CATSPERE: variants seen among roughly 807,000 people sequenced by gnomAD.
CATSPERE encodes the protein cation channel sperm-associated auxiliary subunit epsilon.
A neutral mutation model predicts 114.1 loss-of-function variants in CATSPERE; 93 were observed. That is an observed-to-expected ratio of 0.81 (90% confidence interval 0.69 to 0.97). The LOEUF is 0.97. Among genes scored for constraint, CATSPERE ranks in the 50% least tolerant of loss-of-function variants. CATSPERE has a pLI of 0.00. For synonymous variants in CATSPERE, 341 were observed against 384.1 expected (o/e 0.89, Z 1.31); for missense variants, 1,058 against 1,131.6 (o/e 0.93, Z 0.93).
At chr1:244,605,981 G>A (rs532449823) in intron 18 of CATSPERE, among the ~76,000 whole-genome samples, 187 bp downstream of exon 18, 52 of 152,192 alleles carry the variant, frequency 3.4e-4, no homozygotes, top group South Asian at 8.3e-4. Flanking sequence ...TGTCACATAA[G>A]ACAGACATAA....
chr1:244,461,418 G>A lies in CATSPERE; in HGVS notation c.-12G>A. 7.3e-7 allele frequency: 1 copy of A among 1,361,890 alleles called. No homozygotes were observed. Among genetic ancestry groups the A allele is most frequent in the Non-Finnish European group, 9.5e-7 (1 of 1,047,340 alleles). 84.4% of individuals were successfully genotyped at this position (1,361,890 alleles called of 1,614,324 possible). A position where few individuals can be genotyped will look rare whatever the true frequency, so the allele number is the denominator to read the frequency against. The stretch of plus-strand genomic sequence containing the variant: ...GTGGCCGAGGCGGTTGGGCGGAGGC[G>A]GAGCAGGCGCCATGTCAGCCCGGGA... On this transcript the variant is annotated 5_prime_UTR_variant, in exon 1 of 22. Transcript: ENST00000366534.
chr1:244,527,437 A>T lies in CATSPERE; in HGVS notation c.536+8739A>T, dbSNP rs189414090. Reference sequence around the variant, plus strand: ...TCAGCGGCAGTCAGAGTTTAAGGTTATCTCTCTTGTTCCCTGAACATTGCT... The same window carrying T: ...TCAGCGGCAGTCAGAGTTTAAGGTTTTCTCTCTTGTTCCCTGAACATTGCT... On this transcript the variant is annotated intron_variant, in intron 8 of 21. Transcript: ENST00000366534. Among the ~76,000 whole-genome samples the T allele has an allele frequency of 4.6e-5, 7 of 152,324 alleles. No homozygotes were observed. The East Asian group carries it at 1.4e-3, about 29-fold the overall frequency.
At chr1:244,612,596 T>C (rs1286095607) in intron 19 of CATSPERE, among the ~76,000 whole-genome samples, 1 of 152,222 alleles carries the variant, frequency 6.6e-6, no homozygotes, top group African/African-American at 2.4e-5. Flanking sequence ...TCGATGTGGC[T>C]GAAAATACTA....
At chr1:244,540,815 T>A (rs1658550627) in intron 8 of CATSPERE, among the ~76,000 whole-genome samples, 1 of 91,864 alleles carries the variant, frequency 1.1e-5, no homozygotes, top group African/African-American at 3.4e-5. Context: ...GAGATATAGA[T>A]CAATGGAACA....
At chr1:244,495,715 A>G (rs1672977727) in intron 6 of CATSPERE, among the ~76,000 whole-genome samples, 1 of 152,164 alleles carries the variant, frequency 6.6e-6, no homozygotes, top group Non-Finnish European at 1.5e-5. Context: ...GCGAGACTCC[A>G]TCTTAAAAAA....
At chr1:244,453,495 G>T (rs190843663), upstream of CATSPERE, among the ~76,000 whole-genome samples, 1 of 152,178 alleles carries the variant, frequency 6.6e-6, no homozygotes, top group African/African-American at 2.4e-5. Flanking sequence ...CCCCTTGGGC[G>T]GTTACAAATT....
At chr1:244,551,457 G>A (rs1006888593) in intron 8 of CATSPERE, among the ~76,000 whole-genome samples, 103 of 152,318 alleles carry the variant, frequency 6.8e-4, no homozygotes, top group African/African-American at 2.3e-3. Context: ...TGTATGTAGA[G>A]AGAAGAAAAC....
intron 8 of CATSPERE, among the ~76,000 whole-genome samples, chr1:244,521,764 G>C (rs369361343): frequency 1.3e-5 from 2 of 152,204 alleles, no homozygotes; most frequent in Admixed American, 6.5e-5. Context: ...GTAAACATTT[G>C]ATAAATTCAG....
chr1:244,632,316 C>A (rs756098807), intron 20 of CATSPERE, among the ~76,000 whole-genome samples: 127 of 148,348 alleles, frequency 8.6e-4, no homozygotes, highest in Non-Finnish European at 1.4e-3. Flanking sequence ...ATCACTTGAA[C>A]CTGGGAGGCG....
chr1:244,497,551 C>T (rs1207686931), intron 6 of CATSPERE, among the ~76,000 whole-genome samples: 1 of 152,180 alleles, frequency 6.6e-6, no homozygotes, highest in East Asian at 1.9e-4. Context: ...AATCCCAGCA[C>T]TTTGGGAGGC....
upstream of CATSPERE, among the ~76,000 whole-genome samples, chr1:244,459,813 G>T (rs1666499012): frequency 6.6e-6 from 1 of 152,210 alleles, no homozygotes; most frequent in Admixed American, 6.5e-5. Context: ...CTATAGATGA[G>T]AGTACTAATG....
At chr1:244,451,926 G>GCCGGCC (rs1444102861), upstream of CATSPERE, 25 of 1,174,398 alleles carry the variant, frequency 2.1e-5, no homozygotes, top group Middle Eastern at 6.0e-4. The surrounding 1 kb of genome is among the most constrained non-coding windows in gnomAD (Gnocchi z 6.6). Context: ...GGAGCCAGAG[G>GCCGGCC]CCGGCCCCGC....
intron 20 of CATSPERE, among the ~76,000 whole-genome samples, chr1:244,622,276 A>C (rs1672490443): frequency 6.6e-6 from 1 of 152,134 alleles, no homozygotes. Flanking sequence ...TAGTATCTAT[A>C]TGTGGTCCTG....
intron 12 of CATSPERE, 48 bp downstream of exon 12, chr1:244,581,902 C>A (rs1383136572): frequency 1.2e-6 from 1 of 820,816 alleles, no homozygotes; most frequent in East Asian, 3.0e-5. Flanking sequence ...ATATGCTACT[C>A]AGGTTATTGA....
chr1:244,487,049 G>A (rs574332179), intron 5 of CATSPERE, among the ~76,000 whole-genome samples: 30 of 150,354 alleles, frequency 2.0e-4, no homozygotes, highest in Middle Eastern at 3.5e-3. Context: ...ACAGACGCTC[G>A]TAGTCACCTG....
rs1192098234 is a variant in CATSPERE, at chr1:244,538,802, A to C, written c.537-13520A>C. The stretch of plus-strand genomic sequence containing the variant: ...AGTCGTGTCTCACCCCACAGGACAC[A>C]TTGGGAGTACCAGCAGGGCTAGACC... On this transcript the variant is annotated intron_variant, in intron 8 of 21. Transcript: ENST00000366534. Among the ~76,000 whole-genome samples the C allele has an allele frequency of 2.6e-5, 4 of 152,248 alleles. No homozygotes were observed. The East Asian group carries it at 7.7e-4, about 29-fold the overall frequency.
chr1:244,606,606 CTTTT>C (rs57618634), intron 18 of CATSPERE, among the ~76,000 whole-genome samples: 1 of 133,268 alleles, frequency 7.5e-6, no homozygotes, highest in Admixed American at 7.7e-5. Flanking sequence ...CTTTCTTTTG[CTTTT>C]TTTTTTTTTT....
At position 244,575,481 on chromosome 1, in the gene CATSPERE, G is replaced by A. The variant is rs116709728; in HGVS notation, c.1950+2709G>A. ...AGGCGTCCATGGCCAGCTGTCCTCC[G>A]AGGGTGGCAGGACGTACCTGAGCAG... On this transcript the variant is annotated intron_variant, in intron 11 of 21. Coordinates refer to ENST00000366534, the MANE Select transcript of CATSPERE (RefSeq NM_001130957.2). This position sits in a 1 kb window ranked among gnomAD's most constrained non-coding sequence, Gnocchi z 4.5. Among the ~76,000 whole-genome samples, 1,475 of 152,254 alleles carry A rather than the reference G, an allele frequency of 9.7e-3. 23 individuals carry two copies. Among genetic ancestry groups the A allele is most frequent in the African/African-American group, 0.034 (1,402 of 41,558 alleles).
chr1:244,471,048 G>A (rs1019749704), intron 2 of CATSPERE, among the ~76,000 whole-genome samples: 8 of 152,150 alleles, frequency 5.3e-5, no homozygotes, highest in Non-Finnish European at 1.2e-4. Flanking sequence ...GAGTGTGGCA[G>A]TTTTTTTGTG....
Sources: gnomAD v4.1 joint callset for allele counts (sites outside exome capture counted in the v4.1 genomes callset) on GRCh38, gnomAD v4.1.1 for gene constraint, Gnocchi (gnomAD v3.1) non-coding constraint, MANE v1.5 for transcripts, NCBI Gene and HGNC (gene_info 2026-07-23, HGNC 2026-07-21) for gene names.